The following ADAM32 variants were observed in gnomAD, a reference collection of about 807,000 sequenced individuals.
ADAM32 encodes ADAM metallopeptidase domain 32.
In ADAM32, 89 loss-of-function variants were observed where a neutral mutation model predicts 114.9. The ratio of observed to expected loss-of-function variants is 0.77; its 90% CI spans 0.65 to 0.92. The LOEUF is 0.92. Among genes scored for constraint, ADAM32 ranks in the 40% least tolerant of loss-of-function variants. ADAM32 has a pLI of 0.00. For missense variants in ADAM32, 870 were observed against 932.8 expected (o/e 0.93, Z 0.88); for synonymous variants, 285 against 307.5 (o/e 0.93, Z 0.77).
chr8:39,114,242 C>T (rs2129444132), intron 1 of ADAM32, among the ~76,000 whole-genome samples: 1 of 152,310 alleles, frequency 6.6e-6, no homozygotes, highest in Middle Eastern at 3.4e-3. Context: ...GGCTATTTCC[C>T]CTCCCCTGGG....
chr8:39,142,018 C>A (rs1051824037), intron 3 of ADAM32, among the ~76,000 whole-genome samples: 2 of 152,110 alleles, frequency 1.3e-5, no homozygotes, highest in Admixed American at 6.6e-5. Context: ...GCAACCCCTT[C>A]TTTTTCTTTT....
intron 10 of ADAM32, among the ~76,000 whole-genome samples, chr8:39,174,833 C>A (rs1203367436): frequency 6.6e-6 from 1 of 151,944 alleles, no homozygotes; most frequent in Admixed American, 6.6e-5. Flanking sequence ...GAATATTTTT[C>A]AATTGTTTGT....
chr8:39,223,173 A>T lies in ADAM32; in HGVS notation c.1460A>T (p.Lys487Met), dbSNP rs771402109. The T allele has an allele frequency of 6.2e-7, 1 of 1,600,552 alleles. No individual in the cohort carries two copies. The highest frequency in any genetic ancestry group is 2.3e-5 in the East Asian group (1 of 44,186). Residue 487 changes from lysine (K) to methionine (M), a missense_variant, in exon 14 of 25, where the codon AAG becomes ATG. Physicochemically the swap from Lys to Met is moderately conservative, Grantham distance 95 (BLOSUM62 -1). Transcript: ENST00000379907. ...AATGGACTTTCATGCAAAAATAATA[A>T]GTTTATTTGTTATGACGGAGACTGC... ...LINGLSCKNN[K>M]FICYDGDCHD...
intron 17 of ADAM32, among the ~76,000 whole-genome samples, chr8:39,247,472 T>G (rs555335387): frequency 6.6e-6 from 1 of 152,288 alleles, no homozygotes; most frequent in East Asian, 1.9e-4. Context: ...ATATTTCATA[T>G]ACTTATTTTC....
intron 22 of ADAM32, among the ~76,000 whole-genome samples, chr8:39,278,176 C>T (rs937892498): frequency 2.0e-5 from 3 of 152,196 alleles, no homozygotes; most frequent in Admixed American, 2.0e-4. Flanking sequence ...CAAGCTGTCC[C>T]TCTGAAGTCT....
At chr8:39,188,371 A>ATCTATCTG (rs1564561949) in intron 11 of ADAM32, among the ~76,000 whole-genome samples, 2 of 151,346 alleles carry the variant, frequency 1.3e-5, no homozygotes, top group Non-Finnish European at 3.0e-5. Context: ...CTGTCTATCT[A>ATCTATCTG]TCTGTCTGTC....
chr8:39,235,346 G>T (rs528848592), intron 16 of ADAM32, among the ~76,000 whole-genome samples: 2 of 152,018 alleles, frequency 1.3e-5, no homozygotes, highest in Non-Finnish European at 2.9e-5. Context: ...TATTTCAATA[G>T]CCACTTTTAG....
At chr8:39,136,635 T>C (rs749700177) in intron 2 of ADAM32, 22 bp from the exon 3 acceptor site, 5 of 1,466,482 alleles carry the variant, frequency 3.4e-6, no homozygotes, top group Non-Finnish European at 4.6e-6. Flanking sequence ...GTCTTCACTC[T>C]CAGTTGTTTT....
chr8:39,278,239 G>T (rs751297368), intron 22 of ADAM32, among the ~76,000 whole-genome samples: 1 of 152,074 alleles, frequency 6.6e-6, no homozygotes, highest in Non-Finnish European at 1.5e-5. Flanking sequence ...GCTGCCTCTC[G>T]TCTCTGCCAA....
chr8:39,248,032 C>T (rs952662311), intron 17 of ADAM32, among the ~76,000 whole-genome samples: 17 of 152,062 alleles, frequency 1.1e-4, no homozygotes, highest in African/African-American at 4.1e-4. Context: ...GCTCCTTATT[C>T]TATTTCATTG....
At chr8:39,186,449 A>T (rs1806252612) in intron 10 of ADAM32, among the ~76,000 whole-genome samples, 1 of 152,162 alleles carries the variant, frequency 6.6e-6, no homozygotes, top group African/African-American at 2.4e-5. Flanking sequence ...TGTGTCAATG[A>T]AGTTCCTAGT....
chr8:39,281,051 G>A (rs1321623907), intron 22 of ADAM32, 85 bp from the exon 23 acceptor site: 1 of 472,974 alleles, frequency 2.1e-6, no homozygotes, highest in African/African-American at 2.1e-5. Flanking sequence ...CAAAGTGCTG[G>A]GATTACAGGC....
chr8:39,276,850 CTTA>C (rs1813105592), intron 22 of ADAM32, among the ~76,000 whole-genome samples: 1 of 152,146 alleles, frequency 6.6e-6, no homozygotes, highest in African/African-American at 2.4e-5. Flanking sequence ...ACCTTTTTCT[CTTA>C]TTATATTCTG....
At chr8:39,225,039 G>A (rs1012717220) in intron 14 of ADAM32, among the ~76,000 whole-genome samples, 2 of 152,140 alleles carry the variant, frequency 1.3e-5, no homozygotes, top group Non-Finnish European at 2.9e-5. Flanking sequence ...TTATCACTGA[G>A]GTAACCAACA....
In ADAM32 at chr8:39,160,932, T is replaced by A. The variant is rs1271293177; in HGVS notation, c.561T>A (p.Tyr187Ter). The change falls in exon 7 of 25, where the codon TAT becomes TAA. Residue 187 changes from tyrosine (Y) to a stop codon, truncating the protein, a stop_gained. Transcript: ENST00000379907. LOFTEE classifies it high-confidence loss of function. ...EPAVPDLFPL[Y>*]LEMHIVVDKT... is the part of the protein sequence containing the mutation. Reference sequence around the variant, plus strand: ...CTGTTCCAGATTTATTTCCTCTTTATCTAGAAATGCATATTGTGGTGGACA... The same window carrying A: ...CTGTTCCAGATTTATTTCCTCTTTAACTAGAAATGCATATTGTGGTGGACA... 6.2e-7 allele frequency: 1 copy of A among 1,601,386 alleles called. No individual in the cohort carries two copies. Among genetic ancestry groups the A allele is most frequent in the Admixed American group, 1.7e-5 (1 of 58,154 alleles).
chr8:39,134,205 G>A (rs1226610385), intron 2 of ADAM32, among the ~76,000 whole-genome samples: 1 of 152,076 alleles, frequency 6.6e-6, no homozygotes, highest in Non-Finnish European at 1.5e-5. Context: ...GATGTAATCT[G>A]TTGGGGCTGG....
At chr8:39,130,004 G>C in intron 2 of ADAM32, 1 of 324,018 alleles carries the variant, frequency 3.1e-6, no homozygotes, top group Non-Finnish European at 6.1e-6. Flanking sequence ...ACCCAGGTTG[G>C]AGTGCAGTGG....
At chr8:39,229,478 T>C (rs777412167) in intron 14 of ADAM32, among the ~76,000 whole-genome samples, 2 of 152,298 alleles carry the variant, frequency 1.3e-5, no homozygotes, top group East Asian at 1.9e-4. Flanking sequence ...AGAACTCATA[T>C]ACACTTAAAG....
intron 6 of ADAM32, chr8:39,158,111 G>C (rs763753564): frequency 4.5e-6 from 1 of 219,872 alleles, no homozygotes; most frequent in Non-Finnish European, 9.1e-6. Context: ...TGCTTCACAG[G>C]TACCTGGTCC....
Sources: gnomAD v4.1 joint callset for allele counts (sites outside exome capture counted in the v4.1 genomes callset) on GRCh38, gnomAD v4.1.1 for gene constraint, MANE v1.5 for transcripts, NCBI Gene and HGNC (gene_info 2026-07-23, HGNC 2026-07-21) for gene names.